The following CALCA variants were observed in gnomAD, a reference collection of about 807,000 sequenced individuals.
The protein encoded by CALCA is calcitonin related polypeptide alpha.
CALCA carries 4 observed loss-of-function variants against 6.9 expected under a neutral mutation model. The ratio of observed to expected loss-of-function variants is 0.58; its 90% CI spans 0.29 to 1.33. The LOEUF is 1.33. Among genes scored for constraint, CALCA ranks in the 40% most tolerant of loss-of-function variants. The probability of loss-of-function intolerance (pLI) is 0.09; values close to 1 mark genes in which losing one functional copy is unlikely to be tolerated. For missense variants in CALCA, 174 were observed against 178.3 expected, an observed-to-expected ratio of 0.98 and a Z score of 0.14; for synonymous variants, 78 against 70.0, an observed-to-expected ratio of 1.11 and a Z score of -0.57.
intron 3 of CALCA, among the ~76,000 whole-genome samples, chr11:14,969,529 A>C (rs1555025984): frequency 6.7e-6 from 1 of 150,134 alleles, no homozygotes; most frequent in Non-Finnish European, 1.5e-5. Context: ...GGTGTGAAAG[A>C]ATGTCGTATG....
chr11:14,968,352 C>T (rs1446191373), downstream of CALCA: 13 of 795,562 alleles, frequency 1.6e-5, no homozygotes, highest in African/African-American at 2.4e-4. Flanking sequence ...CTTAGGACCC[C>T]TGTTCTTCCT....
chr11:14,968,253 C>T (rs1392978868), downstream of CALCA: 12 of 322,620 alleles, frequency 3.7e-5, no homozygotes, highest in Non-Finnish European at 6.3e-5. Context: ...CACCAAATAC[C>T]CTTTCTTAGG....
chr11:14,970,115 C>A, intron 2 of CALCA, 40 bp from the exon 3 acceptor site: 1 of 1,611,100 alleles, frequency 6.2e-7, no homozygotes, highest in Non-Finnish European at 8.5e-7. Flanking sequence ...CTGTGAGCCC[C>A]TGCCTGCCCC....
downstream of CALCA, chr11:14,968,483 A>C (rs1158593556): frequency 6.4e-6 from 8 of 1,245,528 alleles, no homozygotes; most frequent in Non-Finnish European, 8.1e-6. Context: ...CAGAGCAATG[A>C]CCACCACAGC....
At chr11:14,968,185 T>C (rs138305483), downstream of CALCA, 20 of 396,504 alleles carry the variant, frequency 5.0e-5, no homozygotes, top group African/African-American at 3.9e-4. Flanking sequence ...GAGTGAATTA[T>C]GGTCCCACAC....
rs561581624 is a variant in CALCA, at chr11:14,969,073, C to A, written c.228-76G>T. 227 of 1,391,308 alleles carry A rather than the reference C, an allele frequency of 1.6e-4. 1 individual carries two copies. Among genetic ancestry groups the A allele is most frequent in the Admixed American group, 5.2e-4 (31 of 59,344 alleles). The allele number at this position is 1,391,308 out of a possible 1,614,324, so 86.2% of individuals were successfully genotyped here. A position where few individuals can be genotyped will look rare whatever the true frequency, so the allele number is the denominator to read the frequency against. On this transcript the variant is annotated intron_variant, in intron 3 of 3. Transcript: ENST00000331587. Reference sequence around the variant, plus strand: ...ATGGGCAGTCACTTAGAAGGTTAGACCAGGCAGGGGACCCTGGGAGCAGGA... The same window carrying A: ...ATGGGCAGTCACTTAGAAGGTTAGAACAGGCAGGGGACCCTGGGAGCAGGA...
chr11:14,969,836 A>C (rs1849550751), intron 3 of CALCA, 99 bp downstream of exon 3: 1 of 1,575,852 alleles, frequency 6.3e-7, no homozygotes, highest in South Asian at 1.1e-5. Flanking sequence ...AGCCTGTTGG[A>C]TTCCTGGCCA....
At chr11:14,968,219 T>C (rs781889773), downstream of CALCA, 1 of 334,172 alleles carries the variant, frequency 3.0e-6, no homozygotes, top group South Asian at 3.0e-5. Flanking sequence ...CAAAGGACTA[T>C]AAAATCTACA....
At chr11:14,971,241 G>C (rs1849598134) in intron 1 of CALCA, 40 bp from the exon 2 acceptor site, 1 of 1,375,518 alleles carries the variant, frequency 7.3e-7, no homozygotes, top group African/African-American at 1.4e-5. Flanking sequence ...GCGCCAGTTC[G>C]AAGTTCTAGG....
At position 14,968,576 on chromosome 11, in the gene CALCA, C is replaced by T; in HGVS notation, c.*223G>A. On this transcript the variant is annotated 3_prime_UTR_variant, in exon 4 of 4. Coordinates refer to ENST00000331587, the MANE Select transcript of CALCA (RefSeq NM_001741.3). ...GGACAGAGGAGCTCTGATGACATCT[C>T]TGGGGGACTCAAAGCGGCCCTCATT... 2 of 1,447,720 alleles carry T rather than the reference C, an allele frequency of 1.4e-6. No homozygotes were observed. Among genetic ancestry groups the T allele is most frequent in the Non-Finnish European group, 1.8e-6 (2 of 1,100,440 alleles). The allele number at this position is 1,447,720 out of a possible 1,614,324, so 89.7% of individuals were successfully genotyped here.
At chr11:14,968,421 A>G, downstream of CALCA, 1 of 1,180,432 alleles carries the variant, frequency 8.5e-7, no homozygotes, top group Non-Finnish European at 1.1e-6. Flanking sequence ...GCCTAGGGTT[A>G]AGGCTATTTC....
In CALCA at chr11:14,970,849, G is replaced by A. The variant is rs539881302; in HGVS notation, c.86+258C>T. Among the ~76,000 whole-genome samples the A allele has an allele frequency of 3.3e-5, 5 of 152,114 alleles. No individual in the cohort carries two copies. In the East Asian group the frequency reaches 5.8e-4, roughly 18 times the overall value. On this transcript the variant is annotated intron_variant, in intron 2 of 3. Coordinates refer to ENST00000331587, the MANE Select transcript of CALCA (RefSeq NM_001741.3). ...CAGGAGATGGAAGTTGCAGTGAGCC[G>A]ACACGGTGCCATTGCACTCCAGCAT...
chr11:14,967,197 G>C, downstream of CALCA: 1 of 167,298 alleles, frequency 6.0e-6, no homozygotes, highest in Admixed American at 5.5e-5. Context: ...AATGCTTGGA[G>C]GTAGGTACTA....
At position 14,968,846 on chromosome 11, in the gene CALCA, C is replaced by A. The variant is rs139205962; in HGVS notation, c.379G>T (p.Glu127Ter). The A allele has an allele frequency of 5.0e-6, 8 of 1,614,148 alleles. No homozygotes were observed. Among genetic ancestry groups the A allele is most frequent in the Non-Finnish European group, 6.8e-6 (8 of 1,180,030 alleles). The change falls in exon 4 of 4, where the codon GAG (glutamate) becomes TAG (stop). Residue 127 changes from glutamate (E) to a stop codon, truncating the protein, a stop_gained. Coordinates refer to ENST00000331587, the MANE Select transcript of CALCA (RefSeq NM_001741.3). LOFTEE classifies it low-confidence loss of function (END_TRUNC). ...CTAACATGAGGGCGATGGTCTCTCT[C>A]CAAGTCGCTGGACATATCCCTTTTC... ...GKKRDMSSDLERDHRPHVSMP... is the reference protein window; with the variant it reads ...GKKRDMSSDL
chr11:14,969,092 AGCAGGAGGGGCAG>A, intron 3 of CALCA, 95 bp from the exon 4 acceptor site: 1 of 1,152,462 alleles, frequency 8.7e-7, no homozygotes, highest in Non-Finnish European at 1.3e-6. Flanking sequence ...GGACCCTGGG[AGCAGGAGGGGCAG>A]GCAGGAGGGC....
intron 2 of CALCA, 91 bp downstream of exon 2, chr11:14,971,016 C>A: frequency 3.0e-6 from 3 of 1,016,898 alleles, no homozygotes; most frequent in Admixed American, 3.4e-5. Flanking sequence ...TTACCCCGGC[C>A]CCCTGTCGGT....
chr11:14,971,301 C>G, intron 1 of CALCA, 100 bp from the exon 2 acceptor site: 2 of 814,864 alleles, frequency 2.5e-6, no homozygotes, highest in Non-Finnish European at 4.3e-6. Flanking sequence ...GCTTCTAACG[C>G]TCTGGCTTTG....
downstream of CALCA, chr11:14,967,893 G>A (rs782390434): frequency 6.2e-7 from 1 of 1,613,590 alleles, no homozygotes; most frequent in Non-Finnish European, 8.5e-7. Flanking sequence ...AGATCTGTGA[G>A]TGAGAGGCTG....
At chr11:14,968,074 C>T (rs1322972226), downstream of CALCA, 4 of 611,614 alleles carry the variant, frequency 6.5e-6, no homozygotes, top group African/African-American at 5.5e-5. Flanking sequence ...GTCAGAAAAC[C>T]CAAGGTGACT....
Sources: allele counts gnomAD v4.1 joint callset (sites outside exome capture counted in the v4.1 genomes callset), GRCh38; gene constraint gnomAD v4.1.1; transcripts MANE v1.5; gene names NCBI Gene and HGNC (gene_info 2026-07-23, HGNC 2026-07-21).